The following CACNA1C variants were observed in gnomAD, a reference collection of about 807,000 sequenced individuals.
CACNA1C encodes voltage-dependent L-type calcium channel subunit alpha-1C.
CACNA1C carries 30 observed loss-of-function variants against 229.0 expected under a neutral mutation model. That is an observed-to-expected ratio of 0.13 (90% CI 0.10 to 0.18). CACNA1C has a LOEUF of 0.18. CACNA1C is among the 10% of genes least tolerant of loss of function. The pLI is 1.00. For synonymous variants in CACNA1C, 1,114 were observed against 1,132.5 expected (o/e 0.98, Z 0.33); for missense variants, 1,658 against 2,845.0 (o/e 0.58, Z 9.49).
intron 2 of CACNA1C, among the ~76,000 whole-genome samples, chr12:2,119,146 G>A (rs558874543): frequency 1.3e-5 from 2 of 152,342 alleles, no homozygotes; most frequent in East Asian, 1.9e-4. Flanking sequence ...GGGGCCTTGG[G>A]AAAGTTCCTC....
At position 2,444,058 on chromosome 12, in the gene CACNA1C, G is replaced by A. The variant is rs559785079; in HGVS notation, c.478-4918G>A. On this transcript the variant is annotated intron_variant, in intron 3 of 46. Transcript: ENST00000399655. ...TTTCTCTGGATTCCTGTTCAGACCCGCTCTTACTGGCTCTCTGGGCCCTTC... is the reference window on the plus strand; with the variant it reads ...TTTCTCTGGATTCCTGTTCAGACCCACTCTTACTGGCTCTCTGGGCCCTTC... Among the ~76,000 whole-genome samples the A allele has an allele frequency of 4.6e-5, 7 of 152,232 alleles. No homozygotes were observed. In the South Asian group the frequency reaches 6.2e-4, roughly 14 times the overall value.
chr12:2,515,581 G>A lies in CACNA1C; in HGVS notation c.1390+2597G>A, dbSNP rs115781237. Among the ~76,000 whole-genome samples, 534 of 152,290 alleles carry A rather than the reference G, an allele frequency of 3.5e-3. 1 individual carries two copies. The highest frequency in any genetic ancestry group is 0.012 in the African/African-American group (505 of 41,560). On this transcript the variant is annotated intron_variant, in intron 9 of 46. Coordinates refer to ENST00000399655, the MANE Select transcript of CACNA1C (RefSeq NM_000719.7). ...AAGTCATCTTTTAAGAGAAAAGGCC[G>A]ATCACTCTTCATCAGCAGCTGTGGT...
At position 2,686,166 on chromosome 12, in the gene CACNA1C, G is replaced by A. The variant is rs370682334; in HGVS notation, c.5681G>A (p.Gly1894Asp). The A allele has an allele frequency of 1.2e-6, 2 of 1,613,658 alleles. No homozygotes were observed. Among genetic ancestry groups the A allele is most frequent in the South Asian group, 1.1e-5 (1 of 91,080 alleles). Reference sequence around the variant, plus strand: ...GGTGGCTCTCTGGCTGGCTTTGCAGGTCGAAGGGCCTCCTTCCACCTGGAA... The same window carrying A: ...GGTGGCTCTCTGGCTGGCTTTGCAGATCGAAGGGCCTCCTTCCACCTGGAA... The part of the protein sequence containing the change: ...KRGFLRSASL[G>D]RRASFHLECL... The change falls in exon 45 of 47, where the codon GGT becomes GAT. Residue 1894 changes from glycine (G) to aspartate (D), a missense_variant and splice_region_variant. Physicochemically the swap from Gly to Asp is moderately conservative, Grantham distance 94. Transcript: ENST00000399655.
rs906068383 is a variant in CACNA1C, at chr12:2,692,496, G to A, written c.*1297G>A. On this transcript the variant is annotated 3_prime_UTR_variant, in exon 47 of 47. Transcript: ENST00000399655. ...CCCCTTTCTGGTTTAGCTGTGGGAA[G>A]ATCTGAATCTGGGGCCGTTTGAAAG... The A allele has an allele frequency of 3.3e-5, 5 of 152,658 alleles. No individual in the cohort carries two copies. The highest frequency in any genetic ancestry group is 3.3e-4 in the Admixed American group (5 of 15,284). The allele number at this position is 152,658 out of a possible 1,614,324, so 9.5% of individuals were successfully genotyped here.
At chr12:2,311,115 T>G (rs1033672133) in intron 3 of CACNA1C, among the ~76,000 whole-genome samples, 3 of 152,194 alleles carry the variant, frequency 2.0e-5, no homozygotes, top group Non-Finnish European at 2.9e-5. Flanking sequence ...TGGAGCCAGC[T>G]TGGGGCTTTC....
At chr12:2,092,258 G>T (rs2071499249) in intron 1 of CACNA1C, among the ~76,000 whole-genome samples, 1 of 152,144 alleles carries the variant, frequency 6.6e-6, no homozygotes, top group Admixed American at 6.5e-5. Context: ...CAAACAAATG[G>T]AAATACTGCA....
chr12:2,238,291 G>A (rs2068311001), intron 3 of CACNA1C, among the ~76,000 whole-genome samples: 3 of 152,288 alleles, frequency 2.0e-5, no homozygotes, highest in Non-Finnish European at 4.4e-5. Flanking sequence ...ACCTTCCCAC[G>A]GAAATAACGG....
intron 7 of CACNA1C, among the ~76,000 whole-genome samples, chr12:2,500,708 A>T (rs1019084613): frequency 6.6e-6 from 1 of 152,160 alleles, no homozygotes; most frequent in African/African-American, 2.4e-5. Flanking sequence ...TGATCCCCTG[A>T]CGCACACGGG....
In CACNA1C at chr12:2,677,412, C is replaced by T; in HGVS notation, c.4956+191C>T. The T allele has an allele frequency of 1.6e-6, 1 of 643,110 alleles. No individual in the cohort carries two copies. Among genetic ancestry groups the T allele is most frequent in the South Asian group, 2.1e-5 (1 of 48,444 alleles). The allele number at this position is 643,110 out of a possible 1,614,324, so 39.8% of individuals were successfully genotyped here. On this transcript the variant is annotated intron_variant, in intron 40 of 46. Transcript: ENST00000399655. The surrounding 1 kb of genome is among the most constrained non-coding windows in gnomAD (Gnocchi z 7.4). ...GATGTGCCCTTCCCTACCTGCCACC[C>T]ACCGACTGCCCTCCATGGTTCTGCC...
chr12:2,188,349 T>C (rs1434006316), intron 3 of CACNA1C, among the ~76,000 whole-genome samples: 5 of 111,806 alleles, frequency 4.5e-5, no homozygotes, highest in Non-Finnish European at 8.6e-5. Context: ...ACATAAACTC[T>C]TATTCTGATA....
intron 9 of CACNA1C, among the ~76,000 whole-genome samples, chr12:2,527,848 A>G (rs2099824670): frequency 6.6e-6 from 1 of 152,158 alleles, no homozygotes; most frequent in African/African-American, 2.4e-5. Flanking sequence ...CCACTTCTGC[A>G]TTGACTAGGA....
intron 9 of CACNA1C, 59 bp downstream of exon 9, chr12:2,513,043 G>A (rs777693145): frequency 1.7e-4 from 249 of 1,444,940 alleles, no homozygotes; most frequent in Non-Finnish European, 2.2e-4. Context: ...AGACAGCATC[G>A]GGGTCAGCAC....
In CACNA1C at chr12:2,679,479, C is replaced by T. The variant is rs1224408581; in HGVS notation, c.5127C>T (p.Tyr1709=). The change falls in exon 42 of 47, where the codon TAC becomes TAT. Residue 1709 remains tyrosine (Y), a synonymous_variant. Transcript: ENST00000399655. This position sits in a 1 kb window ranked among gnomAD's most constrained non-coding sequence, Gnocchi z 5.5. ...GCCTGTTCGGCAACCACGTCAGCTA[C>T]TACCAAAGCGACGGCCGGAGCGCCT... ...AGGLFGNHVS[Y]YQSDGRSAFP... 6.3e-7 allele frequency: 1 copy of T among 1,599,518 alleles called. No individual in the cohort carries two copies. Among genetic ancestry groups the T allele is most frequent in the Admixed American group, 1.7e-5 (1 of 58,942 alleles).
At chr12:2,202,648 C>G (rs957005927) in intron 3 of CACNA1C, among the ~76,000 whole-genome samples, 5 of 152,194 alleles carry the variant, frequency 3.3e-5, no homozygotes, top group African/African-American at 9.7e-5. Context: ...GAAGGCAGCT[C>G]TGCCACCACT....
At chr12:2,263,876 G>A (rs1187668505) in intron 3 of CACNA1C, among the ~76,000 whole-genome samples, 3 of 152,104 alleles carry the variant, frequency 2.0e-5, no homozygotes, top group African/African-American at 7.2e-5. Context: ...GACTGTAGAG[G>A]TCTAGGCTGG....
rs1462874781 is a variant in CACNA1C at position 2,194,176 on chromosome 12, C to G, written c.477+73746C>G. ...CCTCCTAGTGCTTCTCCTCCTGTTC[C>G]TCTCCTCTTCTTCCCCTCCTGCTCC... On this transcript the variant is annotated intron_variant, in intron 3 of 46. Coordinates refer to ENST00000399655, the MANE Select transcript of CACNA1C (RefSeq NM_000719.7). Among the ~76,000 whole-genome samples, 3 of 148,650 alleles carry G rather than the reference C, an allele frequency of 2.0e-5. No individual in the cohort carries two copies. The Admixed American group carries it at 2.0e-4, about 10-fold the overall frequency.
At chr12:2,273,230 C>G (rs1203485557) in intron 3 of CACNA1C, among the ~76,000 whole-genome samples, 1 of 152,172 alleles carries the variant, frequency 6.6e-6, no homozygotes, top group Non-Finnish European at 1.5e-5. Context: ...ACTTATACTA[C>G]CTAATACGGT....
At chr12:2,201,769 A>G (rs1598924796) in intron 3 of CACNA1C, among the ~76,000 whole-genome samples, 1 of 151,954 alleles carries the variant, frequency 6.6e-6, no homozygotes, top group African/African-American at 2.4e-5. Context: ...TGAGTGAGGA[A>G]CCCTCTCCAA....
In CACNA1C at chr12:2,605,852, C is replaced by T; in HGVS notation, c.3156+66C>T. On this transcript the variant is annotated intron_variant, in intron 24 of 46. Coordinates refer to ENST00000399655, the MANE Select transcript of CACNA1C (RefSeq NM_000719.7). This position sits in a 1 kb window ranked among gnomAD's most constrained non-coding sequence, Gnocchi z 6.2. Reference sequence around the variant, plus strand: ...CCATCAGCATTCCTGGGGAAGGGAACTGGCAGATATAGTACAAACGAGACA... The same window carrying T: ...CCATCAGCATTCCTGGGGAAGGGAATTGGCAGATATAGTACAAACGAGACA... The T allele has an allele frequency of 3.6e-6, 4 of 1,105,268 alleles. No homozygotes were observed. The South Asian group carries it at 5.0e-5, about 14-fold the overall frequency. The allele number at this position is 1,105,268 out of a possible 1,614,324, so 68.5% of individuals were successfully genotyped here.
Sources: gnomAD v4.1 joint callset for allele counts (sites outside exome capture counted in the v4.1 genomes callset) on GRCh38, gnomAD v4.1.1 for gene constraint, Gnocchi (gnomAD v3.1) non-coding constraint, MANE v1.5 for transcripts, NCBI Gene and HGNC (gene_info 2026-07-23, HGNC 2026-07-21) for gene names.